The following KCNJ5 variants were observed in gnomAD, a reference collection of about 807,000 sequenced individuals.
KCNJ5 encodes G protein-activated inward rectifier potassium channel 4.
In KCNJ5, 12 loss-of-function variants were observed where a neutral mutation model predicts 20.2. The observed-to-expected ratio is 0.59, with a 90% confidence interval of 0.38 to 0.96. The LOEUF (loss-of-function observed/expected upper bound fraction) is 0.96. Ranked by LOEUF, KCNJ5 falls within the 40% of genes least tolerant of loss-of-function variation. KCNJ5 has a pLI of 0.00. For synonymous variants in KCNJ5, 210 were observed against 213.9 expected (o/e 0.98, Z 0.16); for missense variants, 449 against 557.6 (o/e 0.81, Z 1.96).
At chr11:128,898,791 C>G (rs777106752) in intron 1 of KCNJ5, among the ~76,000 whole-genome samples, 1 of 152,170 alleles carries the variant, frequency 6.6e-6, no homozygotes, top group Non-Finnish European at 1.5e-5. Context: ...ATTCTCATAC[C>G]TTAGCCTCCC....
intron 1 of KCNJ5, among the ~76,000 whole-genome samples, chr11:128,897,498 G>T (rs1388487300): frequency 1.3e-5 from 2 of 152,104 alleles, no homozygotes; most frequent in African/African-American, 4.8e-5. Flanking sequence ...ATTGGCTTTT[G>T]TTGTTGTTTC....
intron 1 of KCNJ5, among the ~76,000 whole-genome samples, chr11:128,895,179 G>A (rs1171064680): frequency 4.6e-5 from 7 of 152,156 alleles, no homozygotes; most frequent in African/African-American, 1.2e-4. Context: ...TTGGCGGTCC[G>A]GGGCTGGGTG....
chr11:128,902,397 T>C lies in KCNJ5; in HGVS notation c.-10-8867T>C, dbSNP rs981707021. 3.4e-6 allele frequency: 3 copies of C among 885,514 alleles called. No individual in the cohort carries two copies. In the African/African-American group the frequency reaches 5.0e-5, roughly 15 times the overall value. 54.9% of individuals were successfully genotyped at this position (885,514 alleles called of 1,614,324 possible). ...TTGGTGAACTGGAGGACTATCGCACTGCCCAAGACACTGTTCTCTGCAGCA... is the reference window on the plus strand; with the variant it reads ...TTGGTGAACTGGAGGACTATCGCACCGCCCAAGACACTGTTCTCTGCAGCA... On this transcript the variant is annotated intron_variant, in intron 1 of 2. Transcript: ENST00000529694.
Position 128,921,039 on chromosome 11 carries a change from C to T in KCNJ5, c.*4308C>T, listed in dbSNP as rs1016621126. ...GGCTCGCCTTGGTTTTTGCTAACAA[C>T]GTCTCCTTAAACTGCTGTCAAATCT... On this transcript the variant is annotated 3_prime_UTR_variant, in exon 3 of 3. Transcript: ENST00000529694. 2.2e-4 allele frequency: 33 copies of T among 152,260 alleles called. No homozygotes were observed. The highest frequency in any genetic ancestry group is 1.9e-4 in the East Asian group (1 of 5,206). 9.4% of individuals were successfully genotyped at this position (152,260 alleles called of 1,614,324 possible).
intron 1 of KCNJ5, chr11:128,902,713 C>A (rs766814359): frequency 1.2e-6 from 2 of 1,601,458 alleles, no homozygotes; most frequent in Non-Finnish European, 1.7e-6. Context: ...TTGTGGCAGA[C>A]CTGTTGGTGC....
At chr11:128,898,900 G>A (rs962880175) in intron 1 of KCNJ5, among the ~76,000 whole-genome samples, 4 of 152,042 alleles carry the variant, frequency 2.6e-5, no homozygotes, top group Admixed American at 6.5e-5. Context: ...CGCTGTTCTC[G>A]AACTCCTGAC....
chr11:128,911,194 T>A lies in KCNJ5; in HGVS notation c.-10-70T>A. 1 of 1,266,074 alleles carries A rather than the reference T, an allele frequency of 7.9e-7. No homozygotes were observed. Among genetic ancestry groups the A allele is most frequent in the Non-Finnish European group, 1.1e-6 (1 of 871,794 alleles). The allele number at this position is 1,266,074 out of a possible 1,614,324, so 78.4% of individuals were successfully genotyped here. A position where few individuals can be genotyped will look rare whatever the true frequency, so the allele number is the denominator to read the frequency against. On this transcript the variant is annotated intron_variant, in intron 1 of 2. Transcript: ENST00000529694. The surrounding 1 kb of genome is among the most constrained non-coding windows in gnomAD (Gnocchi z 6.3). Reference sequence around the variant, plus strand: ...GCCTGGGAGAGCCCCGGGGTGGGGGTGGCCTTCCATCTTGTGTTCTAGTGA... The same window carrying A: ...GCCTGGGAGAGCCCCGGGGTGGGGGAGGCCTTCCATCTTGTGTTCTAGTGA...
chr11:128,913,374 A>G (rs1182537399), intron 2 of KCNJ5, among the ~76,000 whole-genome samples: 2 of 152,198 alleles, frequency 1.3e-5, no homozygotes, highest in Non-Finnish European at 2.9e-5. Context: ...CTGCTCAGCT[A>G]CTGACTCACC....
intron 1 of KCNJ5, among the ~76,000 whole-genome samples, chr11:128,905,254 T>C (rs1032441328): frequency 6.6e-6 from 1 of 152,080 alleles, no homozygotes; most frequent in Admixed American, 6.5e-5. Context: ...AGGCCCCTCC[T>C]GGCTCTCACC....
intron 2 of KCNJ5, among the ~76,000 whole-genome samples, chr11:128,914,989 A>T (rs1164085548): frequency 6.6e-6 from 1 of 152,252 alleles, no homozygotes; most frequent in Non-Finnish European, 1.5e-5. Flanking sequence ...GGCAGGCATC[A>T]CTGAGAGCAG....
rs774486875 is a variant in KCNJ5, at chr11:128,916,516, A to G, written c.1045A>G (p.Asn349Asp). 1.9e-6 allele frequency: 3 copies of G among 1,614,140 alleles called. No homozygotes were observed. Among genetic ancestry groups the G allele is most frequent in the Non-Finnish European group, 2.5e-6 (3 of 1,180,000 alleles). ...LEKGFYEVDYNTFHDTYETNT... is the reference protein window; with the variant it reads ...LEKGFYEVDYDTFHDTYETNT... ...AAAGGGCTTCTATGAGGTGGACTAC[A>G]ACACCTTCCATGATACCTATGAGAC... is the stretch of plus-strand genomic sequence containing the variant. The change falls in exon 3 of 3, where the codon AAC becomes GAC. Residue 349 changes from asparagine to aspartate, a missense_variant. Physicochemically the swap from Asn to Asp is conservative, Grantham distance 23 (BLOSUM62 1). This residue lies in a region of KCNJ5 where 34 missense variants were observed against 63.8 expected (regional missense o/e 0.53). Coordinates refer to ENST00000529694, the MANE Select transcript of KCNJ5 (RefSeq NM_000890.5).
At position 128,918,258 on chromosome 11, in the gene KCNJ5, G is replaced by C. The variant is rs1447361431; in HGVS notation, c.*1527G>C. 6.6e-6 allele frequency: 1 copy of C among 152,252 alleles called. No homozygotes were observed. Among genetic ancestry groups the C allele is most frequent in the Non-Finnish European group, 1.5e-5 (1 of 68,094 alleles). 9.4% of individuals were successfully genotyped at this position (152,252 alleles called of 1,614,324 possible). ...GGAGATTGCCTGGGGAAGGCAAAGG[G>C]AATGGCTGCCCCTCCCAGGCTGGAA... On this transcript the variant is annotated 3_prime_UTR_variant, in exon 3 of 3. Transcript: ENST00000529694.
chr11:128,916,224 G>A (rs1242634851), intron 2 of KCNJ5, among the ~76,000 whole-genome samples, 185 bp from the exon 3 acceptor site: 7 of 138,068 alleles, frequency 5.1e-5, no homozygotes, highest in African/African-American at 1.9e-4. Context: ...ATGGATGGAT[G>A]GTTGGATGGA....
intron 1 of KCNJ5, among the ~76,000 whole-genome samples, chr11:128,906,562 C>A (rs1944419295): frequency 6.6e-6 from 1 of 152,198 alleles, no homozygotes. Flanking sequence ...GAATTCAGGT[C>A]TTTGTGGTTG....
chr11:128,902,424 GT>G lies in KCNJ5; in HGVS notation c.-10-8837del, dbSNP rs879171414. 5.0e-6 allele frequency: 6 copies of G among 1,188,404 alleles called. No individual in the cohort carries two copies. The South Asian group carries it at 8.3e-5, about 16-fold the overall frequency. 73.6% of individuals were successfully genotyped at this position (1,188,404 alleles called of 1,614,324 possible). On this transcript the variant is annotated intron_variant, in intron 1 of 2. Coordinates refer to ENST00000529694, the MANE Select transcript of KCNJ5 (RefSeq NM_000890.5). ...CCCAAGACACTGTTCTCTGCAGCAG[GT>G]TTGCACAGGGTGCCAGTTAGGGAGG... is the stretch of plus-strand genomic sequence containing the variant.
intron 1 of KCNJ5, among the ~76,000 whole-genome samples, chr11:128,893,648 T>G (rs1026978615): frequency 2.0e-5 from 3 of 152,092 alleles, no homozygotes; most frequent in Non-Finnish European, 4.4e-5. Context: ...TTAAGTAGCC[T>G]GCCTGTGCTC....
intron 2 of KCNJ5, among the ~76,000 whole-genome samples, chr11:128,913,564 T>C (rs1180726944): frequency 9.6e-6 from 1 of 104,404 alleles, no homozygotes; most frequent in East Asian, 3.0e-4. Context: ...CCTCGTGCCT[T>C]CCTTTCTCTC....
intron 1 of KCNJ5, among the ~76,000 whole-genome samples, chr11:128,899,309 T>C (rs770419323): frequency 6.6e-6 from 1 of 152,246 alleles, no homozygotes; most frequent in African/African-American, 2.4e-5. Context: ...TAAAATTGGG[T>C]ATATGGTACA....
intron 1 of KCNJ5, among the ~76,000 whole-genome samples, chr11:128,896,572 G>A (rs1453893548): frequency 6.6e-6 from 1 of 151,954 alleles, no homozygotes; most frequent in Non-Finnish European, 1.5e-5. Context: ...ATTCTCTGGG[G>A]ATTCATTTAG....
Sources: allele counts gnomAD v4.1 joint callset (sites outside exome capture counted in the v4.1 genomes callset), GRCh38; gene constraint gnomAD v4.1.1; regional missense constraint gnomAD v4.1.1; non-coding constraint Gnocchi (gnomAD v3.1); transcripts MANE v1.5; gene names NCBI Gene and HGNC (gene_info 2026-07-23, HGNC 2026-07-21).